Variants in GOLGA8S observed in about 807,000 individuals in gnomAD.
GOLGA8S encodes the protein golgin subfamily A member 8S.
In GOLGA8S, 23 loss-of-function variants were observed where a neutral mutation model predicts 58.9. That is an observed-to-expected ratio of 0.39 (90% CI 0.28 to 0.55). The LOEUF (loss-of-function observed/expected upper bound fraction) is 0.55, where lower values mean the gene tolerates loss of function less well. Ranked by LOEUF, GOLGA8S falls within the 20% of genes least tolerant of loss-of-function variation. GOLGA8S has a pLI of 0.63. For synonymous variants in GOLGA8S, 84 were observed against 195.7 expected (o/e 0.43, Z 4.76); for missense variants, 266 against 514.2 (o/e 0.52, Z 4.67).
intron 13 of GOLGA8S, among the ~76,000 whole-genome samples, chr15:23,362,611 C>A (rs2141027472): frequency 7.2e-6 from 1 of 139,716 alleles, no homozygotes; most frequent in South Asian, 2.5e-4. Flanking sequence ...TACTTTTCTA[C>A]CATTCTGTGG....
exon 12 of GOLGA8S, chr15:23,361,398 C>T (rs2938710): frequency 2.5e-6 from 2 of 791,066 alleles, no homozygotes; most frequent in Middle Eastern, 3.7e-4. Context: ...GAGAGGCTTC[C>T]AGAGCAGGAG....
chr15:23,360,636 G>C (rs1257834685), intron 10 of GOLGA8S, 92 bp from the exon 11 acceptor site: 6 of 1,270,130 alleles, frequency 4.7e-6, no homozygotes, highest in Non-Finnish European at 6.9e-6. Flanking sequence ...ATGGGACTGG[G>C]CTTTGTGGAG....
At chr15:23,366,679 G>A (rs1010952212), downstream of GOLGA8S, 2 of 151,694 alleles carry the variant, frequency 1.3e-5, no homozygotes, top group Non-Finnish European at 2.9e-5. Context: ...ATATTTATGT[G>A]ATTGTGCCTA....
At position 23,359,359 on chromosome 15, in the gene GOLGA8S, C is replaced by G. The variant is rs1230766321; in HGVS notation, c.591+150C>G. On this transcript the variant is annotated intron_variant, in intron 8 of 18. Transcript: ENST00000562295. ...TTTTTTGTATGGTTGTTAGCGGCAG[C>G]TTGGGACTGAGTCAGCTGCTGTGGG... The G allele has an allele frequency of 6.0e-6, 4 of 663,418 alleles. No individual in the cohort carries two copies. In the African/African-American group the frequency reaches 7.4e-5, roughly 12 times the overall value. 41.1% of individuals were successfully genotyped at this position (663,418 alleles called of 1,614,324 possible). A position where few individuals can be genotyped will look rare whatever the true frequency, so the allele number is the denominator to read the frequency against.
intron 11 of GOLGA8S, 45 bp from the exon 12 acceptor site, chr15:23,361,176 T>G (rs766080078): frequency 1.7e-6 from 2 of 1,163,700 alleles, no homozygotes; most frequent in Non-Finnish European, 1.2e-6. Flanking sequence ...TTTCTTTTTT[T>G]TTTTTTGGAA....
chr15:23,367,550 A>G (rs1463539870), downstream of GOLGA8S, among the ~76,000 whole-genome samples: 14 of 150,816 alleles, frequency 9.3e-5, no homozygotes, highest in Non-Finnish European at 1.2e-4. Context: ...TAAATTTACT[A>G]TATTGACTGA....
At chr15:23,361,327 G>C (rs766984945) in exon 12 of GOLGA8S, 2 of 1,228,526 alleles carry the variant, frequency 1.6e-6, no homozygotes, top group Non-Finnish European at 2.4e-6. Flanking sequence ...CCCAGGTGGA[G>C]TACAATCAGC....
intron 13 of GOLGA8S, among the ~76,000 whole-genome samples, chr15:23,362,264 T>C (rs1336654629): frequency 2.8e-5 from 4 of 141,074 alleles, no homozygotes. Context: ...GGCGCATGCC[T>C]GTAATCCCAC....
At chr15:23,368,051 T>C (rs1434930008), downstream of GOLGA8S, among the ~76,000 whole-genome samples, 5 of 151,942 alleles carry the variant, frequency 3.3e-5, no homozygotes, top group African/African-American at 1.2e-4. Flanking sequence ...GTAACTGCTA[T>C]CTTAATGTTC....
rs147753595 is a variant in GOLGA8S, at chr15:23,359,692, T to C, written c.591+483T>C. ...CTGTACCTTCTGAGTCTGGGACTAT[T>C]TGAATGTATTATCCTTTCAAAAAGT... On this transcript the variant is annotated intron_variant, in intron 8 of 18. Transcript: ENST00000562295. Among the ~76,000 whole-genome samples, 18 of 129,330 alleles carry C rather than the reference T, an allele frequency of 1.4e-4. 1 individual carries two copies. The highest frequency in any genetic ancestry group is 4.9e-4 in the African/African-American group (17 of 34,538). The allele number at this position is 129,330 out of a possible 152,430, so 84.8% of individuals were successfully genotyped here.
intron 8 of GOLGA8S, among the ~76,000 whole-genome samples, chr15:23,359,715 AG>A (rs1262749760): frequency 1.4e-5 from 2 of 143,078 alleles, no homozygotes; most frequent in Non-Finnish European, 3.1e-5. Flanking sequence ...CCTTTCAAAA[AG>A]TGAACAAAAG....
exon 11 of GOLGA8S, chr15:23,360,760 T>C (rs1353180422): frequency 9.9e-6 from 13 of 1,310,734 alleles, no homozygotes; most frequent in South Asian, 2.4e-5. Flanking sequence ...AGAAGCATGA[T>C]AAATATCGGG....
At position 23,364,449 on chromosome 15, in the gene GOLGA8S, T is replaced by A. The variant is rs554005107; in HGVS notation, c.1448+6T>A. 1.2e-6 allele frequency: 2 copies of A among 1,605,070 alleles called. No homozygotes were observed. Among genetic ancestry groups the A allele is most frequent in the South Asian group, 2.2e-5 (2 of 90,608 alleles). On this transcript the variant is annotated splice_donor_region_variant and intron_variant, in intron 16 of 18. Transcript: ENST00000562295. ...TGGCAAGAGAGATGCCATCAGTGAG[T>A]GGGAGGCCAGGGCACAGCAGGGGGA...
chr15:23,364,174 G>C (rs1035963674), intron 15 of GOLGA8S, among the ~76,000 whole-genome samples, 169 bp from the exon 16 acceptor site: 1 of 143,076 alleles, frequency 7.0e-6, no homozygotes, highest in African/African-American at 2.5e-5. Context: ...AGGCCCTGGA[G>C]CCCCAGGGCC....
downstream of GOLGA8S, chr15:23,365,565 CT>C (rs2069907135): frequency 3.5e-6 from 1 of 287,982 alleles, no homozygotes; most frequent in African/African-American, 2.3e-5. Context: ...GTTGTTTGAT[CT>C]AATCTTAATC....
In GOLGA8S at chr15:23,360,784, G is replaced by A. The variant is rs1190013730; in HGVS notation, c.843G>A (p.Glu281=). Residue 281 remains glutamate, a synonymous_variant, in exon 11 of 19, where the codon GAG becomes GAA. Coordinates refer to ENST00000562295, the Ensembl canonical transcript of GOLGA8S. ...ATAAATATCGGGTAGAGACGCTGGA[G>A]AGGAGCTTGTCCAAACTCAAAAACC... 2.1e-6 allele frequency: 3 copies of A among 1,430,596 alleles called. 1 individual carries two copies. Among genetic ancestry groups the A allele is most frequent in the South Asian group, 1.2e-5 (1 of 85,792 alleles). The allele number at this position is 1,430,596 out of a possible 1,614,324, so 88.6% of individuals were successfully genotyped here. A position where few individuals can be genotyped will look rare whatever the true frequency, so the allele number is the denominator to read the frequency against.
intron 8 of GOLGA8S, among the ~76,000 whole-genome samples, chr15:23,359,466 GGTCTTGGCCAA>G (rs1453972085): frequency 6.8e-6 from 1 of 146,168 alleles, no homozygotes; most frequent in East Asian, 2.0e-4. Context: ...ACCTGGCTGT[GGTCTTGGCCAA>G]GTCCTCAGTG....
Position 23,364,257 on chromosome 15 carries a change from G to A in GOLGA8S, c.1348-86G>A, listed in dbSNP as rs561435824. ...TCACGGAGAAGCTGGCCCATGCCAG[G>A]ACTCACCTCCACCTTCTCCATGACT... On this transcript the variant is annotated intron_variant, in intron 15 of 18. Coordinates refer to ENST00000562295, the Ensembl canonical transcript of GOLGA8S. 5.8e-3 allele frequency: 8,949 copies of A among 1,551,078 alleles called. 114 individuals carry two copies. The highest frequency in any genetic ancestry group is 0.022 in the East Asian group (957 of 44,024).
chr15:23,361,340 A>T (rs781196129), exon 12 of GOLGA8S: 2 of 1,183,878 alleles, frequency 1.7e-6, no homozygotes, highest in African/African-American at 3.0e-5. Flanking sequence ...CAATCAGCGC[A>T]TAAGTCTCCT....
Sources: gnomAD v4.1 joint callset for allele counts (sites outside exome capture counted in the v4.1 genomes callset) on GRCh38, gnomAD v4.1.1 for gene constraint, MANE v1.5 for transcripts, NCBI Gene and HGNC (gene_info 2026-07-23, HGNC 2026-07-21) for gene names.